The following GRIN2D variants were observed in gnomAD, a reference collection of about 807,000 sequenced individuals.
GRIN2D encodes glutamate ionotropic receptor NMDA type subunit 2D.
A neutral mutation model predicts 103.2 loss-of-function variants in GRIN2D; 37 were observed. The observed-to-expected ratio is 0.36, with a 90% CI of 0.28 to 0.47. The LOEUF is 0.47. Ranked by LOEUF, GRIN2D falls within the 20% of genes least tolerant of loss-of-function variation. The pLI is 1.00. For synonymous variants in GRIN2D, 845 were observed against 885.6 expected (o/e 0.95, Z 0.81); for missense variants, 1,557 against 1,910.6 (o/e 0.81, Z 3.45).
Position 48,442,546 on chromosome 19 carries a change from G to A in GRIN2D, c.2674-54G>A. ...AGGAGAGAGGGACTGAGGGGAGGCG[G>A]GCAGGCGTCCTGGGCATCTCGCGCT... On this transcript the variant is annotated intron_variant, in intron 13 of 13. Transcript: ENST00000263269. This position sits in a 1 kb window ranked among gnomAD's most constrained non-coding sequence, Gnocchi z 7.2. 1 of 1,475,422 alleles carries A rather than the reference G, an allele frequency of 6.8e-7. No individual in the cohort carries two copies. The highest frequency in any genetic ancestry group is 8.9e-7 in the Non-Finnish European group (1 of 1,117,896). 91.4% of individuals were successfully genotyped at this position (1,475,422 alleles called of 1,614,324 possible).
chr19:48,400,642 C>T (rs1018338299), intron 3 of GRIN2D, among the ~76,000 whole-genome samples: 10 of 152,162 alleles, frequency 6.6e-5, no homozygotes, highest in African/African-American at 9.7e-5. Flanking sequence ...ATGTAGTCCC[C>T]GTGCTGCCCC....
chr19:48,395,364 C>T (rs185838710), intron 2 of GRIN2D, among the ~76,000 whole-genome samples: 16 of 152,062 alleles, frequency 1.1e-4, no homozygotes, highest in East Asian at 9.7e-4. Context: ...TTAATACCCC[C>T]GCCAAGGACC....
chr19:48,430,821 C>CTTTTTTTTT (rs557084994), intron 11 of GRIN2D, among the ~76,000 whole-genome samples: 2 of 128,922 alleles, frequency 1.6e-5, no homozygotes, highest in Non-Finnish European at 3.2e-5. Context: ...TTTCTTTTTT[C>CTTTTTTTTT]TTTTTTTTTT....
At position 48,414,868 on chromosome 19, in the gene GRIN2D, C is replaced by T. The variant is rs978921932; in HGVS notation, c.1417C>T (p.Pro473Ser). ...RSQLNRTHSP[P>S]PDAPRPEKRC... is the part of the protein sequence containing the mutation. ...AAGCCTGGTCACTGCCCGCAGCCCT[C>T]CACCGGATGCCCCCCGCCCGGAAAA... The change falls in exon 7 of 14, where the codon CCA (proline) becomes TCA (serine). Residue 473 changes from proline (P) to serine (S), a missense_variant. By Grantham distance (74) the Pro-to-Ser change is moderately conservative. This residue lies in a region of GRIN2D where 197 missense variants were observed against 334.1 expected (regional missense o/e 0.59). Coordinates refer to ENST00000263269, the MANE Select transcript of GRIN2D (RefSeq NM_000836.4). This position sits in a 1 kb window ranked among gnomAD's most constrained non-coding sequence, Gnocchi z 4.6. The T allele has an allele frequency of 1.9e-6, 3 of 1,614,018 alleles. No individual in the cohort carries two copies. Among genetic ancestry groups the T allele is most frequent in the African/African-American group, 2.7e-5 (2 of 74,926 alleles).
intron 3 of GRIN2D, 27 bp downstream of exon 3, chr19:48,398,884 C>T: frequency 7.6e-7 from 1 of 1,310,526 alleles, no homozygotes; most frequent in South Asian, 2.1e-5. Context: ...CGGGGCGGGG[C>T]CACAGGAGGG....
Position 48,419,780 on chromosome 19 carries a change from A to G in GRIN2D, c.2057A>G (p.Tyr686Cys). The G allele has an allele frequency of 6.2e-7, 1 of 1,613,480 alleles. No homozygotes were observed. The highest frequency in any genetic ancestry group is 8.5e-7 in the Non-Finnish European group (1 of 1,179,780). The change falls in exon 10 of 14, where the codon TAC (tyrosine) becomes TGC (cysteine). Residue 686 changes from tyrosine to cysteine, a missense_variant. Physicochemically the swap from Tyr to Cys is radical, Grantham distance 194 (BLOSUM62 -2). Transcript: ENST00000263269. The part of the protein sequence containing the change: ...NLAAFMIQEE[Y>C]VDTVSGLSDR... ...GCCGCCTTCATGATCCAGGAGGAGTACGTGGATACTGTGTCTGGGCTCAGT... is the reference window on the plus strand; with the variant it reads ...GCCGCCTTCATGATCCAGGAGGAGTGCGTGGATACTGTGTCTGGGCTCAGT...
rs919914530 is a variant in GRIN2D at position 48,393,893 on chromosome 19, C to G, written c.-306+25C>G. Among the ~76,000 whole-genome samples, 3 of 151,864 alleles carry G rather than the reference C, an allele frequency of 2.0e-5. No individual in the cohort carries two copies. Among genetic ancestry groups the G allele is most frequent in the Admixed American group, 6.6e-5 (1 of 15,258 alleles). Reference sequence around the variant, plus strand: ...GGTGAGGATCTGTGTGTCCGGGTGTCTGGGGCTGGCTGGTGGAGGGGGGGT... The same window carrying G: ...GGTGAGGATCTGTGTGTCCGGGTGTGTGGGGCTGGCTGGTGGAGGGGGGGT... On this transcript the variant is annotated intron_variant, in intron 1 of 13. Transcript: ENST00000263269. This position sits in a 1 kb window ranked among gnomAD's most constrained non-coding sequence, Gnocchi z 5.6.
chr19:48,398,624 C>T lies in GRIN2D; in HGVS notation c.232C>T (p.Arg78Cys). 1 of 1,280,932 alleles carries T rather than the reference C, an allele frequency of 7.8e-7. No individual in the cohort carries two copies. Among genetic ancestry groups the T allele is most frequent in the Non-Finnish European group, 9.9e-7 (1 of 1,012,326 alleles). The allele number at this position is 1,280,932 out of a possible 1,614,324, so 79.3% of individuals were successfully genotyped here. A position where few individuals can be genotyped will look rare whatever the true frequency, so the allele number is the denominator to read the frequency against. The change falls in exon 3 of 14, where the codon CGC (arginine) becomes TGC (cysteine). Residue 78 changes from arginine to cysteine, a missense_variant. Arg to Cys is a radical substitution (Grantham distance 180, BLOSUM62 -3). This residue lies in a region of GRIN2D where 490 missense variants were observed against 601.1 expected (regional missense o/e 0.82). Transcript: ENST00000263269. Reference sequence around the variant, plus strand: ...GGGCCCGGCCGTGGCGGCGGCGGTGCGCAGCCCGGGCCTAGACGTGCGGCC... The same window carrying T: ...GGGCCCGGCCGTGGCGGCGGCGGTGTGCAGCCCGGGCCTAGACGTGCGGCC... The part of the protein sequence containing the change: ...RLGPAVAAAV[R>C]SPGLDVRPVA...
chr19:48,440,876 G>T (rs1971283087), intron 11 of GRIN2D, among the ~76,000 whole-genome samples: 1 of 152,030 alleles, frequency 6.6e-6, no homozygotes, highest in African/African-American at 2.4e-5. Flanking sequence ...CAGTAGAGAT[G>T]GGGTTTCACC....
At position 48,421,336 on chromosome 19, in the gene GRIN2D, G is replaced by A. The variant is rs1971019689; in HGVS notation, c.2092-449G>A. 6.6e-6 allele frequency among the ~76,000 whole-genome samples: 1 copy of A among 152,030 alleles called. No homozygotes were observed. The highest frequency in any genetic ancestry group is 1.9e-4 in the East Asian group (1 of 5,180). Reference sequence around the variant, plus strand: ...CCAGCTACTCGGGAGGCTGAGGCAGGAGAATCAGTTGAACCTGGGAGGCGG... The same window carrying A: ...CCAGCTACTCGGGAGGCTGAGGCAGAAGAATCAGTTGAACCTGGGAGGCGG... On this transcript the variant is annotated intron_variant, in intron 10 of 13. Coordinates refer to ENST00000263269, the MANE Select transcript of GRIN2D (RefSeq NM_000836.4). This position sits in a 1 kb window ranked among gnomAD's most constrained non-coding sequence, Gnocchi z 4.8.
Position 48,423,084 on chromosome 19 carries a change from G to A in GRIN2D, c.2252+1139G>A, listed in dbSNP as rs544558185. 1.2e-4 allele frequency among the ~76,000 whole-genome samples: 19 copies of A among 152,224 alleles called. 1 individual carries two copies. The highest frequency in any genetic ancestry group is 6.2e-4 in the South Asian group (3 of 4,824). On this transcript the variant is annotated intron_variant, in intron 11 of 13. Coordinates refer to ENST00000263269, the MANE Select transcript of GRIN2D (RefSeq NM_000836.4). Reference sequence around the variant, plus strand: ...AAATTAGCCGGGCGTGGTGGCGGGCGCCTGTAATCTCAGCTGCTTGGGAGG... The same window carrying A: ...AAATTAGCCGGGCGTGGTGGCGGGCACCTGTAATCTCAGCTGCTTGGGAGG...
chr19:48,441,426 T>C (rs1014809837), intron 11 of GRIN2D, among the ~76,000 whole-genome samples: 4 of 151,818 alleles, frequency 2.6e-5, no homozygotes, highest in Non-Finnish European at 4.4e-5. Context: ...AGCACCTCCT[T>C]TGCATGAGGT....
Position 48,416,154 on chromosome 19 carries a change from C to T in GRIN2D, c.1734C>T (p.Leu578=), listed in dbSNP as rs1407595627. ...GCACGGTGTCCCCCTCGGCCTTCCT[C>T]GGTAATCTGGGGCCCTGGGACAGGG... The part of the protein sequence containing the change: ...SNGTVSPSAF[L]EPYSPAVWVM... The change falls in exon 8 of 14, where the codon CTC becomes CTT. Residue 578 remains leucine (L), a splice_region_variant and synonymous_variant. Coordinates refer to ENST00000263269, the MANE Select transcript of GRIN2D (RefSeq NM_000836.4). 1.2e-6 allele frequency: 2 copies of T among 1,613,336 alleles called. No homozygotes were observed. The highest frequency in any genetic ancestry group is 1.1e-5 in the South Asian group (1 of 91,044).
rs1294526924 is a variant in GRIN2D at position 48,414,691 on chromosome 19, G to A, written c.1412+107G>A. The A allele has an allele frequency of 1.6e-6, 2 of 1,266,490 alleles. No homozygotes were observed. The highest frequency in any genetic ancestry group is 2.2e-6 in the Non-Finnish European group (2 of 910,726). 78.5% of individuals were successfully genotyped at this position (1,266,490 alleles called of 1,614,324 possible). On this transcript the variant is annotated intron_variant, in intron 6 of 13. Coordinates refer to ENST00000263269, the MANE Select transcript of GRIN2D (RefSeq NM_000836.4). This position sits in a 1 kb window ranked among gnomAD's most constrained non-coding sequence, Gnocchi z 4.6. ...TCCCTTGGGACCCAGGACCCACAAA[G>A]CCCTCCAGCTTGGTGACCTTAGGCA...
In GRIN2D at chr19:48,419,359, CG is replaced by C; in HGVS notation, c.1861+1del. ...CAACCGCAGCCTGGCCACGGGCAAG[CG>C]TGAGTCCCCCTTCCTCCATCCCCCG... On this transcript the variant is annotated splice_donor_variant, in intron 9 of 13. Coordinates refer to ENST00000263269, the MANE Select transcript of GRIN2D (RefSeq NM_000836.4). LOFTEE classifies it high-confidence loss of function. 6.3e-7 allele frequency: 1 copy of C among 1,599,216 alleles called. No individual in the cohort carries two copies. The highest frequency in any genetic ancestry group is 1.1e-5 in the South Asian group (1 of 90,872).
At chr19:48,402,386 AGAG>A (rs1970727150) in intron 3 of GRIN2D, among the ~76,000 whole-genome samples, 1 of 151,976 alleles carries the variant, frequency 6.6e-6, no homozygotes, top group South Asian at 2.1e-4. Context: ...AATGAGAGAG[AGAG>A]GAAAAAAAAG....
intron 11 of GRIN2D, among the ~76,000 whole-genome samples, chr19:48,438,869 C>T (rs1373633582): frequency 6.6e-6 from 1 of 151,816 alleles, no homozygotes; most frequent in African/African-American, 2.4e-5. Context: ...CAGCTTCAAA[C>T]TCCTGGGCTG....
intron 4 of GRIN2D, among the ~76,000 whole-genome samples, chr19:48,413,511 T>C (rs1303439233): frequency 6.9e-6 from 1 of 145,348 alleles, no homozygotes; most frequent in South Asian, 2.2e-4. Context: ...ACAAACAAAA[T>C]ATTAGCCAAG....
At position 48,398,969 on chromosome 19, in the gene GRIN2D, G is replaced by T. The variant is rs1970677920; in HGVS notation, c.465+112G>T. ...GCCTAGAGGGGGCGGGGACTGTCCT[G>T]TGGGTCCGAGTCTGGGACAAGGTGG... On this transcript the variant is annotated intron_variant, in intron 3 of 13. Coordinates refer to ENST00000263269, the MANE Select transcript of GRIN2D (RefSeq NM_000836.4). The T allele has an allele frequency of 3.0e-6, 3 of 1,004,134 alleles. No homozygotes were observed. In the South Asian group the frequency reaches 8.2e-5, roughly 28 times the overall value. 62.2% of individuals were successfully genotyped at this position (1,004,134 alleles called of 1,614,324 possible).
Sources: gnomAD v4.1 joint callset for allele counts (sites outside exome capture counted in the v4.1 genomes callset) on GRCh38, gnomAD v4.1.1 for gene constraint, gnomAD v4.1.1 regional missense constraint, Gnocchi (gnomAD v3.1) non-coding constraint, MANE v1.5 for transcripts, NCBI Gene and HGNC (gene_info 2026-07-23, HGNC 2026-07-21) for gene names.